The following KCNH7 variants were observed in gnomAD, a reference collection of about 807,000 sequenced individuals.
KCNH7 encodes potassium voltage-gated channel subfamily H member 7, also known as voltage-gated inwardly rectifying potassium channel KCNH7.
Under a neutral mutation model 120.8 loss-of-function variants are expected in KCNH7, and 49 were observed. That is an observed-to-expected ratio of 0.41 (90% CI 0.32 to 0.51). KCNH7 has a LOEUF of 0.51. Ranked by LOEUF, KCNH7 falls within the 20% of genes least tolerant of loss-of-function variation. The pLI is 0.38. For synonymous variants in KCNH7, 547 were observed against 516.1 expected, an observed-to-expected ratio of 1.06 and a Z score of -0.81; for missense variants, 1,097 against 1,446.6, an observed-to-expected ratio of 0.76 and a Z score of 3.92.
intron 6 of KCNH7, among the ~76,000 whole-genome samples, chr2:162,461,611 G>A (rs1689147777): frequency 6.6e-6 from 1 of 152,222 alleles, no homozygotes; most frequent in African/African-American, 2.4e-5. Context: ...GCAAAAGACA[G>A]ATGGTTAGGC....
At chr2:162,615,377 CT>C (rs1475374249) in intron 2 of KCNH7, among the ~76,000 whole-genome samples, 1 of 152,150 alleles carries the variant, frequency 6.6e-6, no homozygotes, top group Non-Finnish European at 1.5e-5. Flanking sequence ...TAGGCAATTA[CT>C]GTTTTCTGTT....
At chr2:162,643,961 G>T (rs149523014) in intron 2 of KCNH7, among the ~76,000 whole-genome samples, 1 of 152,030 alleles carries the variant, frequency 6.6e-6, no homozygotes, top group Non-Finnish European at 1.5e-5. Context: ...GTTCTAACTC[G>T]TTATTTAGTG....
At chr2:162,628,459 T>C (rs952066895) in intron 2 of KCNH7, among the ~76,000 whole-genome samples, 3 of 152,084 alleles carry the variant, frequency 2.0e-5, no homozygotes, top group African/African-American at 7.2e-5. Context: ...TTTTAACTTT[T>C]ACTCAGGGGT....
chr2:162,425,463 T>C (rs1312271976), intron 8 of KCNH7, among the ~76,000 whole-genome samples: 1 of 152,158 alleles, frequency 6.6e-6, no homozygotes, highest in Non-Finnish European at 1.5e-5. Flanking sequence ...TAAATTGTTT[T>C]TGAGTAAATG....
intron 2 of KCNH7, among the ~76,000 whole-genome samples, chr2:162,543,878 G>A (rs1306135117): frequency 6.6e-6 from 1 of 152,136 alleles, no homozygotes; most frequent in Non-Finnish European, 1.5e-5. Context: ...GTGAGTGTTA[G>A]TATTATCAAC....
intron 5 of KCNH7, among the ~76,000 whole-genome samples, 191 bp downstream of exon 5, chr2:162,512,462 AT>A (rs1413770073): frequency 1.3e-5 from 2 of 151,822 alleles, no homozygotes; most frequent in Non-Finnish European, 2.9e-5. Flanking sequence ...GCTCATGATC[AT>A]TTTGGTAACA....
rs552128606 is a variant in KCNH7 at position 162,561,862 on chromosome 2, C to A, written c.308-24782G>T. Among the ~76,000 whole-genome samples, 4 of 152,226 alleles carry A rather than the reference C, an allele frequency of 2.6e-5. No homozygotes were observed. The South Asian group carries it at 8.3e-4, about 32-fold the overall frequency. ...TAAAGAAAATGTGGCATATATACAC[C>A]ATGGAATACTATGCAGCCATAAAAA... On this transcript the variant is annotated intron_variant, in intron 2 of 15. Coordinates refer to ENST00000332142, the MANE Select transcript of KCNH7 (RefSeq NM_033272.4).
At chr2:162,619,954 T>G (rs1048494974) in intron 2 of KCNH7, among the ~76,000 whole-genome samples, 2 of 151,946 alleles carry the variant, frequency 1.3e-5, no homozygotes, top group African/African-American at 4.8e-5. Flanking sequence ...CAACCTGTTC[T>G]AAGGAAGCAG....
rs1236297734 is a variant in KCNH7 at position 162,714,737 on chromosome 2, T to C, written c.307+121800A>G. On this transcript the variant is annotated intron_variant, in intron 2 of 15. Coordinates refer to ENST00000332142, the MANE Select transcript of KCNH7 (RefSeq NM_033272.4). ...GTCTAGACAATATGTAAACTGAGGA[T>C]GGCTGTGTTCCGGTGAAACTTTATG... Among the ~76,000 whole-genome samples the C allele has an allele frequency of 2.0e-5, 3 of 152,374 alleles. No individual in the cohort carries two copies. In the East Asian group the frequency reaches 5.8e-4, roughly 29 times the overall value.
intron 2 of KCNH7, among the ~76,000 whole-genome samples, chr2:162,654,973 AG>A (rs1684694282): frequency 1.3e-5 from 2 of 152,186 alleles, no homozygotes; most frequent in African/African-American, 4.8e-5. Context: ...TACCAGGAAC[AG>A]GGGAAGGGGA....
chr2:162,467,965 T>C (rs966941828), intron 6 of KCNH7, among the ~76,000 whole-genome samples: 3 of 152,172 alleles, frequency 2.0e-5, no homozygotes, highest in Non-Finnish European at 4.4e-5. Context: ...ACCCTCATGA[T>C]CTAATTACCT....
intron 2 of KCNH7, among the ~76,000 whole-genome samples, chr2:162,604,660 T>A (rs1054723337): frequency 2.0e-5 from 3 of 152,098 alleles, no homozygotes; most frequent in African/African-American, 7.2e-5. Context: ...ACCTATTGAT[T>A]AACAGAAACA....
intron 3 of KCNH7, among the ~76,000 whole-genome samples, chr2:162,524,571 TG>T (rs896711317): frequency 2.0e-5 from 3 of 151,968 alleles, no homozygotes; most frequent in Non-Finnish European, 2.9e-5. Context: ...AAAATAAGGA[TG>T]TGTGAATTGG....
chr2:162,470,236 G>T (rs996889039), intron 6 of KCNH7, among the ~76,000 whole-genome samples: 1 of 151,620 alleles, frequency 6.6e-6, no homozygotes, highest in African/African-American at 2.4e-5. Flanking sequence ...CTCTCTGCCC[G>T]GCCGCCATCC....
chr2:162,722,393 A>G (rs1687349720), intron 2 of KCNH7, among the ~76,000 whole-genome samples: 1 of 152,178 alleles, frequency 6.6e-6, no homozygotes, highest in Admixed American at 6.5e-5. Flanking sequence ...ATGTACTATA[A>G]CAGAAGGCAG....
chr2:162,643,870 T>C (rs1364164226), intron 2 of KCNH7, among the ~76,000 whole-genome samples: 1 of 145,194 alleles, frequency 6.9e-6, no homozygotes, highest in Non-Finnish European at 1.5e-5. Flanking sequence ...AGCAGACTGA[T>C]ATATTAGTAG....
At chr2:162,661,166 T>G (rs1047972067) in intron 2 of KCNH7, among the ~76,000 whole-genome samples, 3 of 152,164 alleles carry the variant, frequency 2.0e-5, no homozygotes, top group Non-Finnish European at 4.4e-5. Context: ...GTGTTATAGC[T>G]CAGTTGCTAC....
At chr2:162,469,707 C>A (rs1017802002) in intron 6 of KCNH7, among the ~76,000 whole-genome samples, 28 of 151,488 alleles carry the variant, frequency 1.8e-4, no homozygotes, top group Non-Finnish European at 4.1e-4. Flanking sequence ...CTCTCCCTCT[C>A]CCCACGGTCT....
intron 2 of KCNH7, among the ~76,000 whole-genome samples, chr2:162,675,646 G>A (rs1192351750): frequency 6.6e-6 from 1 of 151,320 alleles, no homozygotes; most frequent in Non-Finnish European, 1.5e-5. Flanking sequence ...TATTACCACT[G>A]ATATGTAATT....
Sources: gnomAD v4.1 joint callset for allele counts (sites outside exome capture counted in the v4.1 genomes callset) on GRCh38, gnomAD v4.1.1 for gene constraint, MANE v1.5 for transcripts, NCBI Gene and HGNC (gene_info 2026-07-23, HGNC 2026-07-21) for gene names.